DLGAP2: variants seen among roughly 807,000 people sequenced by gnomAD.
DLGAP2 encodes the protein disks large-associated protein 2.
Under a neutral mutation model 100.3 loss-of-function variants are expected in DLGAP2, and 26 were observed. The ratio of observed to expected loss-of-function variants is 0.26; its 90% confidence interval spans 0.19 to 0.36. The LOEUF (loss-of-function observed/expected upper bound fraction) is 0.36. Ranked by LOEUF, DLGAP2 falls within the 10% of genes least tolerant of loss-of-function variation. The probability of loss-of-function intolerance (pLI) is 1.00; values close to 1 mark genes in which losing one functional copy is unlikely to be tolerated. For synonymous variants in DLGAP2, 886 were observed against 630.1 expected (o/e 1.41, Z -6.08); for missense variants, 1,858 against 1,453.2 (o/e 1.28, Z -4.53).
Position 1,239,561 on chromosome 8 carries a change from G to A in DLGAP2, c.74-19290G>A, listed in dbSNP as rs866355978. Among the ~76,000 whole-genome samples, 650 of 78,334 alleles carry A rather than the reference G, an allele frequency of 8.3e-3. 7 individuals are homozygous for A. The highest frequency in any genetic ancestry group is 0.032 in the African/African-American group (477 of 14,684). The allele number at this position is 78,334 out of a possible 152,430, so 51.4% of individuals were successfully genotyped here. On this transcript the variant is annotated intron_variant, in intron 2 of 14. Coordinates refer to ENST00000637795, the MANE Select transcript of DLGAP2 (RefSeq NM_001346810.2). Reference sequence around the variant, plus strand: ...AGTTCTCTCACATGGCGCCGTGTCTGGTTCTCTCACATGGCGCCGTGTCTA... The same window carrying A: ...AGTTCTCTCACATGGCGCCGTGTCTAGTTCTCTCACATGGCGCCGTGTCTA...
intron 3 of DLGAP2, among the ~76,000 whole-genome samples, chr8:1,412,024 C>T (rs1796745447): frequency 6.6e-6 from 1 of 152,224 alleles, no homozygotes; most frequent in Non-Finnish European, 1.5e-5. Flanking sequence ...CAGGTGATCT[C>T]CTGCTAGGGA....
chr8:1,495,277 G>C (rs532684867), intron 3 of DLGAP2, among the ~76,000 whole-genome samples: 1 of 152,040 alleles, frequency 6.6e-6, no homozygotes, highest in Admixed American at 6.5e-5. Context: ...GCCAGTGCCA[G>C]CGTGCCAGGG....
chr8:1,280,548 C>G (rs779960933), intron 3 of DLGAP2, among the ~76,000 whole-genome samples: 2 of 152,118 alleles, frequency 1.3e-5, no homozygotes, highest in Admixed American at 6.5e-5. Flanking sequence ...TCTTGTGGCT[C>G]AAAGTTAAAG....
At chr8:1,411,333 A>G (rs1421247653) in intron 3 of DLGAP2, among the ~76,000 whole-genome samples, 1 of 152,258 alleles carries the variant, frequency 6.6e-6, no homozygotes, top group Non-Finnish European at 1.5e-5. Context: ...CAAAAATCTT[A>G]TATGGTTTTG....
chr8:1,455,083 C>T (rs1022118640), intron 3 of DLGAP2, among the ~76,000 whole-genome samples: 12 of 152,212 alleles, frequency 7.9e-5, no homozygotes, highest in Admixed American at 2.0e-4. Flanking sequence ...ATCATCAGCT[C>T]CTTGGCTGCC....
In DLGAP2 at chr8:1,571,981, T is replaced by C. The variant is rs547949156; in HGVS notation, c.1442+6087T>C. Among the ~76,000 whole-genome samples the C allele has an allele frequency of 8.5e-4, 97 of 113,782 alleles. No homozygotes were observed. The Middle Eastern group carries it at 0.036, about 42-fold the overall frequency. The allele number at this position is 113,782 out of a possible 152,430, so 74.6% of individuals were successfully genotyped here. On this transcript the variant is annotated intron_variant, in intron 6 of 14. Coordinates refer to ENST00000637795, the MANE Select transcript of DLGAP2 (RefSeq NM_001346810.2). ...TGAACTGTGGGGGCGTCTGATGAGATGGAGAGGAGAGAGGGTGAACTGTGG... is the reference window on the plus strand; with the variant it reads ...TGAACTGTGGGGGCGTCTGATGAGACGGAGAGGAGAGAGGGTGAACTGTGG...
intron 2 of DLGAP2, among the ~76,000 whole-genome samples, chr8:1,015,099 A>ACGG (rs570031578): frequency 4.0e-4 from 7 of 17,360 alleles, no homozygotes; most frequent in South Asian, 3.0e-3. Flanking sequence ...ACCAGGACAG[A>ACGG]CGCCTCCACT....
chr8:1,195,023 G>C (rs903734522), intron 2 of DLGAP2, among the ~76,000 whole-genome samples: 1 of 152,254 alleles, frequency 6.6e-6, no homozygotes, highest in Non-Finnish European at 1.5e-5. Flanking sequence ...CTCCTGAGAA[G>C]CTTGGGCACA....
chr8:860,741 C>T (rs571752557), intron 1 of DLGAP2, among the ~76,000 whole-genome samples: 1 of 152,332 alleles, frequency 6.6e-6, no homozygotes, highest in South Asian at 2.1e-4. Context: ...GTGCGTGTGG[C>T]AGGCATGCTT....
intron 2 of DLGAP2, among the ~76,000 whole-genome samples, chr8:1,049,872 TCA>T (rs34172327): frequency 0.32 from 47,874 of 151,960 alleles, 7,838 homozygotes; most frequent in Middle Eastern, 0.39. Context: ...GCATTTACAG[TCA>T]CACACAAGTA....
intron 2 of DLGAP2, among the ~76,000 whole-genome samples, chr8:920,553 T>G (rs1798692835): frequency 6.6e-6 from 1 of 152,154 alleles, no homozygotes; most frequent in Non-Finnish European, 1.5e-5. Context: ...CTCAGGAGTT[T>G]GAGACCAGCC....
chr8:825,839 G>A (rs554678383), intron 1 of DLGAP2, among the ~76,000 whole-genome samples: 55 of 152,258 alleles, frequency 3.6e-4, no homozygotes, highest in African/African-American at 1.2e-3. Flanking sequence ...TTTACTTTGT[G>A]TTATACACAA....
At chr8:1,501,079 T>C (rs1799706385) in intron 3 of DLGAP2, among the ~76,000 whole-genome samples, 1 of 151,980 alleles carries the variant, frequency 6.6e-6, no homozygotes, top group African/African-American at 2.4e-5. Flanking sequence ...AATTTGAAGT[T>C]AGGCCAGAGT....
At position 1,295,571 on chromosome 8, in the gene DLGAP2, C is replaced by T. The variant is rs962474072; in HGVS notation, c.106+36688C>T. On this transcript the variant is annotated intron_variant, in intron 3 of 14. Coordinates refer to ENST00000637795, the MANE Select transcript of DLGAP2 (RefSeq NM_001346810.2). Reference sequence around the variant, plus strand: ...AAGGGGCTCTGGTCAGCCCCCGCTCCTGGAAACAGCTCTCCACAAAGGCAG... The same window carrying T: ...AAGGGGCTCTGGTCAGCCCCCGCTCTTGGAAACAGCTCTCCACAAAGGCAG... Among the ~76,000 whole-genome samples, 12 of 152,246 alleles carry T rather than the reference C, an allele frequency of 7.9e-5. 1 individual carries two copies. In the South Asian group the frequency reaches 1.0e-3, roughly 13 times the overall value.
intron 3 of DLGAP2, among the ~76,000 whole-genome samples, chr8:1,317,815 G>C (rs1352881016): frequency 7.0e-6 from 1 of 142,034 alleles, no homozygotes; most frequent in African/African-American, 2.7e-5. Context: ...GCGTGTGCGA[G>C]TGCAGCGTCT....
At chr8:1,618,106 A>G (rs1797216741) in intron 6 of DLGAP2, among the ~76,000 whole-genome samples, 1 of 152,150 alleles carries the variant, frequency 6.6e-6, no homozygotes, top group Admixed American at 6.5e-5. Context: ...CTCGCCAGAC[A>G]CAGAAGGCAA....
At chr8:1,240,273 TAGTTCTGTTACATGGCGCC>T (rs1176725519) in intron 2 of DLGAP2, among the ~76,000 whole-genome samples, 15,967 of 93,554 alleles carry the variant, frequency 0.17, 1,845 homozygotes, top group Non-Finnish European at 0.24. Context: ...GCGCCGTGTC[TAGTTCTGTTACATGGCGCC>T]GTGTCTAGTT....
intron 6 of DLGAP2, among the ~76,000 whole-genome samples, chr8:1,606,885 A>C (rs371442161): frequency 6.6e-6 from 1 of 152,086 alleles, no homozygotes; most frequent in Admixed American, 6.5e-5. Flanking sequence ...AGATTTCATC[A>C]TGTTGCCCAG....
intron 2 of DLGAP2, among the ~76,000 whole-genome samples, chr8:921,013 A>G (rs2129001435): frequency 6.6e-6 from 1 of 152,212 alleles, no homozygotes; most frequent in Non-Finnish European, 1.5e-5. Context: ...CTGCAGCTCC[A>G]TCTTCCACAT....
Sources: gnomAD v4.1 joint callset for allele counts (sites outside exome capture counted in the v4.1 genomes callset) on GRCh38, gnomAD v4.1.1 for gene constraint, MANE v1.5 for transcripts, NCBI Gene and HGNC (gene_info 2026-07-23, HGNC 2026-07-21) for gene names.